The following PCDH9 variants were observed in gnomAD, a reference collection of about 807,000 sequenced individuals.
The protein encoded by PCDH9 is protocadherin-9.
In PCDH9, 24 loss-of-function variants were observed where a neutral mutation model predicts 70.6. That is an observed-to-expected ratio of 0.34 (90% CI 0.25 to 0.48). The LOEUF (loss-of-function observed/expected upper bound fraction) is 0.48. PCDH9 is among the 20% of genes least tolerant of loss of function. The probability of loss-of-function intolerance (pLI) is 0.99; values close to 1 mark genes in which losing one functional copy is unlikely to be tolerated. For synonymous variants in PCDH9, 562 were observed against 558.5 expected, an observed-to-expected ratio of 1.01 and a Z score of -0.09; for missense variants, 1,281 against 1,503.6, an observed-to-expected ratio of 0.85 and a Z score of 2.45.
intron 4 of PCDH9, among the ~76,000 whole-genome samples, chr13:66,392,088 A>C (rs1957028517): frequency 6.6e-6 from 1 of 151,898 alleles, no homozygotes; most frequent in African/African-American, 2.4e-5. Flanking sequence ...TCACTGAAGA[A>C]AGGGCGTTTG....
intron 2 of PCDH9, among the ~76,000 whole-genome samples, chr13:67,148,388 G>C (rs1217899546): frequency 6.6e-6 from 1 of 151,468 alleles, no homozygotes; most frequent in Non-Finnish European, 1.5e-5. Flanking sequence ...TTTTACAGCT[G>C]ATGTACACTG....
intron 4 of PCDH9, among the ~76,000 whole-genome samples, chr13:66,569,593 C>T (rs1593698059): frequency 1.3e-5 from 2 of 152,126 alleles, no homozygotes; most frequent in African/African-American, 4.8e-5. Context: ...CCATACAAGC[C>T]ATTCTATAGA....
chr13:67,046,243 A>T (rs1402053105), intron 2 of PCDH9, among the ~76,000 whole-genome samples: 21 of 152,206 alleles, frequency 1.4e-4, no homozygotes, highest in Non-Finnish European at 2.9e-4. Flanking sequence ...ATTAGCCCCT[A>T]GCATGGGCTG....
At chr13:66,998,203 G>A (rs970027937) in intron 2 of PCDH9, among the ~76,000 whole-genome samples, 6 of 152,148 alleles carry the variant, frequency 3.9e-5, no homozygotes, top group Non-Finnish European at 7.3e-5. Context: ...GCCAGGGCCC[G>A]AGGAACAAAT....
At chr13:66,465,037 T>C (rs1958493211) in intron 4 of PCDH9, among the ~76,000 whole-genome samples, 1 of 151,942 alleles carries the variant, frequency 6.6e-6, no homozygotes, top group Non-Finnish European at 1.5e-5. Flanking sequence ...TGAAAGCATA[T>C]TAGCCTTTCT....
At chr13:66,618,492 A>G (rs1460363081) in intron 4 of PCDH9, among the ~76,000 whole-genome samples, 1 of 152,188 alleles carries the variant, frequency 6.6e-6, no homozygotes, top group Non-Finnish European at 1.5e-5. Flanking sequence ...TTATGTATTT[A>G]TTAAGGTGCA....
At chr13:66,680,704 C>T (rs1357944134) in intron 3 of PCDH9, among the ~76,000 whole-genome samples, 3 of 151,820 alleles carry the variant, frequency 2.0e-5, no homozygotes, top group Non-Finnish European at 4.4e-5. Flanking sequence ...GGGGCCACAA[C>T]CAATGAGCAA....
intron 2 of PCDH9, among the ~76,000 whole-genome samples, chr13:67,005,593 T>C (rs972859216): frequency 2.0e-5 from 3 of 152,178 alleles, no homozygotes; most frequent in Non-Finnish European, 4.4e-5. Context: ...GCCAGTAAAC[T>C]CATCTTAAGG....
At chr13:66,724,501 T>G (rs1399441120) in intron 3 of PCDH9, among the ~76,000 whole-genome samples, 1 of 152,214 alleles carries the variant, frequency 6.6e-6, no homozygotes, top group African/African-American at 2.4e-5. Context: ...TGCAAGAGAA[T>G]GAAGGTGCAA....
chr13:66,718,444 A>G (rs1016208158), intron 3 of PCDH9, among the ~76,000 whole-genome samples: 1 of 152,206 alleles, frequency 6.6e-6, no homozygotes, highest in African/African-American at 2.4e-5. Flanking sequence ...CTCCAGATGT[A>G]GTTAATTTTG....
intron 2 of PCDH9, among the ~76,000 whole-genome samples, chr13:66,933,396 A>AT (rs1430644639): frequency 3.3e-5 from 5 of 152,300 alleles, no homozygotes; most frequent in East Asian, 3.9e-4. Flanking sequence ...AATAGGAAAG[A>AT]TTAAGATGAC....
intron 4 of PCDH9, among the ~76,000 whole-genome samples, chr13:66,546,377 A>T (rs1961200761): frequency 6.6e-6 from 1 of 152,120 alleles, no homozygotes; most frequent in Non-Finnish European, 1.5e-5. Flanking sequence ...GTGTGTTTGT[A>T]TCTTCGTTTT....
chr13:67,219,301 T>C (rs2089674145), intron 2 of PCDH9: 1 of 152,054 alleles, frequency 6.6e-6, no homozygotes, highest in African/African-American at 2.4e-5. Context: ...TTTTGTTCTA[T>C]GTTTCTGGTG....
intron 2 of PCDH9, among the ~76,000 whole-genome samples, chr13:67,072,520 T>A (rs761387434): frequency 6.6e-6 from 1 of 152,164 alleles, no homozygotes; most frequent in South Asian, 2.1e-4. Context: ...TTTGGTTAGA[T>A]ATATTTGCTA....
intron 2 of PCDH9, among the ~76,000 whole-genome samples, chr13:67,017,057 T>C (rs927125314): frequency 2.0e-5 from 3 of 152,182 alleles, no homozygotes; most frequent in Admixed American, 6.5e-5. Context: ...GTGGATGCTA[T>C]TGAAATAGCC....
intron 3 of PCDH9, among the ~76,000 whole-genome samples, chr13:66,882,773 G>A (rs1319430296): frequency 6.6e-6 from 1 of 152,136 alleles, no homozygotes; most frequent in Non-Finnish European, 1.5e-5. Flanking sequence ...TCCCTTTATA[G>A]GAGGATGTTT....
chr13:66,474,464 T>C (rs1475921340), intron 4 of PCDH9, among the ~76,000 whole-genome samples: 1 of 152,130 alleles, frequency 6.6e-6, no homozygotes, highest in African/African-American at 2.4e-5. Flanking sequence ...CCAATAAATA[T>C]CTGCCAAATT....
intron 4 of PCDH9, 108 bp downstream of exon 4, chr13:66,631,102 A>C: frequency 1.5e-6 from 1 of 665,532 alleles, no homozygotes; most frequent in Non-Finnish European, 2.7e-6. Flanking sequence ...AAGCCAGCAA[A>C]AAAATAACTA....
chr13:66,870,259 T>C (rs1019396863), intron 3 of PCDH9, among the ~76,000 whole-genome samples: 9 of 152,162 alleles, frequency 5.9e-5, no homozygotes, highest in African/African-American at 9.7e-5. Context: ...TTCTGAGGGC[T>C]CTGTTCTGTT....
Sources: gnomAD v4.1 joint callset for allele counts (sites outside exome capture counted in the v4.1 genomes callset) on GRCh38, gnomAD v4.1.1 for gene constraint, MANE v1.5 for transcripts, NCBI Gene and HGNC (gene_info 2026-07-23, HGNC 2026-07-21) for gene names.